Variants in ATG4C observed in about 807,000 individuals in gnomAD.
The protein encoded by ATG4C is autophagy related 4C cysteine peptidase, also known as cysteine protease ATG4C.
In ATG4C, 56 loss-of-function variants were observed where a neutral mutation model predicts 57.6. That is an observed-to-expected ratio of 0.97 (90% CI 0.78 to 1.21). ATG4C has a LOEUF of 1.21. ATG4C is among the 50% of genes most tolerant of loss of function. The probability of loss-of-function intolerance (pLI) is 0.00; values close to 1 mark genes in which losing one functional copy is unlikely to be tolerated. For missense variants in ATG4C, 595 were observed against 529.8 expected (o/e 1.12, Z -1.21); for synonymous variants, 157 against 174.1 (o/e 0.90, Z 0.78).
chr1:62,816,265 C>T (rs1665267477), intron 3 of ATG4C, among the ~76,000 whole-genome samples: 1 of 151,670 alleles, frequency 6.6e-6, no homozygotes, highest in Non-Finnish European at 1.5e-5. Flanking sequence ...TGTCTGTGTC[C>T]CCTCTTCAAA....
At chr1:62,804,446 A>AT (rs553503812) in intron 2 of ATG4C, among the ~76,000 whole-genome samples, 228 of 145,434 alleles carry the variant, frequency 1.6e-3, no homozygotes, top group African/African-American at 4.1e-3. Context: ...GTCTTGCATA[A>AT]TTTTTTTTTT....
Position 62,864,204 on chromosome 1 carries a change from G to T in ATG4C, c.*45G>T. On this transcript the variant is annotated 3_prime_UTR_variant, in exon 11 of 11. Coordinates refer to ENST00000317868, the MANE Select transcript of ATG4C (RefSeq NM_032852.4). The stretch of plus-strand genomic sequence containing the variant: ...TGATAAGAAGAATTCCATTGAAAGG[G>T]GAAAAATGAAGAGAAACAAGTATAT... 1 of 1,482,196 alleles carries T rather than the reference G, an allele frequency of 6.7e-7. No individual in the cohort carries two copies. Among genetic ancestry groups the T allele is most frequent in the Non-Finnish European group, 9.1e-7 (1 of 1,103,350 alleles). The allele number at this position is 1,482,196 out of a possible 1,614,324, so 91.8% of individuals were successfully genotyped here. A position where few individuals can be genotyped will look rare whatever the true frequency, so the allele number is the denominator to read the frequency against.
At chr1:62,808,726 C>T (rs756412983) in intron 3 of ATG4C, among the ~76,000 whole-genome samples, 9 of 151,938 alleles carry the variant, frequency 5.9e-5, no homozygotes, top group Non-Finnish European at 1.0e-4. Context: ...TAGGGTCTGG[C>T]AATGAGAAAT....
intron 10 of ATG4C, among the ~76,000 whole-genome samples, chr1:62,853,537 C>T (rs1209557469): frequency 6.6e-6 from 1 of 152,196 alleles, no homozygotes; most frequent in Admixed American, 6.5e-5. Context: ...GCCCCGACCT[C>T]GTGGTCTCAA....
At chr1:62,835,442 CAT>C in intron 9 of ATG4C, 1 of 319,620 alleles carries the variant, frequency 3.1e-6, no homozygotes, top group Non-Finnish European at 6.3e-6. Context: ...ATAAATGAAA[CAT>C]GTAATTATTA....
At position 62,805,227 on chromosome 1, in the gene ATG4C, T is replaced by G. The variant is rs529086362; in HGVS notation, c.132T>G (p.Leu44=). ...YFSRNSPVLL[L]GKCYHFKYED... is the part of the protein sequence containing the mutation. Reference sequence around the variant, plus strand: ...GTAGAAATTCTCCTGTATTATTGCTTGGAAAATGTTACCATTTTAAATATG... The same window carrying G: ...GTAGAAATTCTCCTGTATTATTGCTGGGAAAATGTTACCATTTTAAATATG... Residue 44 remains leucine (L), a synonymous_variant, in exon 3 of 11, where the codon CTT becomes CTG. Transcript: ENST00000317868. 3.3e-6 allele frequency: 5 copies of G among 1,517,204 alleles called. No homozygotes were observed. The highest frequency in any genetic ancestry group is 4.4e-6 in the Non-Finnish European group (5 of 1,141,948). The allele number at this position is 1,517,204 out of a possible 1,614,324, so 94.0% of individuals were successfully genotyped here. A position where few individuals can be genotyped will look rare whatever the true frequency, so the allele number is the denominator to read the frequency against.
rs551183270 is a variant in ATG4C at position 62,811,402 on chromosome 1, A to G, written c.161-5173A>G. Among the ~76,000 whole-genome samples the G allele has an allele frequency of 2.2e-3, 333 of 152,292 alleles. 6 individuals carry two copies. Among genetic ancestry groups the G allele is most frequent in the South Asian group, 0.019 (94 of 4,834 alleles). On this transcript the variant is annotated intron_variant, in intron 3 of 10. Coordinates refer to ENST00000317868, the MANE Select transcript of ATG4C (RefSeq NM_032852.4). ...TATTATGCAGTTTTTCCTTCTCATT[A>G]TATCGTGCTGTGCACTGTTATGTCG...
chr1:62,841,632 A>G (rs3737892), intron 10 of ATG4C, 85 bp downstream of exon 10: 491,780 of 1,128,558 alleles, frequency 0.44, 108,489 homozygotes, highest in East Asian at 0.64. Flanking sequence ...TGTAAATTAT[A>G]ATTTTTTATA....
chr1:62,817,114 T>G (rs1294382856), intron 4 of ATG4C, among the ~76,000 whole-genome samples: 1 of 152,158 alleles, frequency 6.6e-6, no homozygotes, highest in Non-Finnish European at 1.5e-5. Context: ...TTTATTGTTC[T>G]TACTGTTTCT....
At chr1:62,812,121 C>T (rs61314361) in intron 3 of ATG4C, among the ~76,000 whole-genome samples, 6 of 151,960 alleles carry the variant, frequency 3.9e-5, no homozygotes, top group Non-Finnish European at 8.8e-5. Context: ...GGTCTGAAGT[C>T]GATTTTGTCT....
At chr1:62,830,741 A>G (rs1665814596) in intron 7 of ATG4C, among the ~76,000 whole-genome samples, 1 of 152,088 alleles carries the variant, frequency 6.6e-6, no homozygotes, top group African/African-American at 2.4e-5. Context: ...AAAATCCAGT[A>G]TGTTCTTTTT....
At chr1:62,841,133 G>C (rs1666153386) in intron 9 of ATG4C, among the ~76,000 whole-genome samples, 1 of 152,080 alleles carries the variant, frequency 6.6e-6, no homozygotes, top group Non-Finnish European at 1.5e-5. Flanking sequence ...TCTTTTTCAT[G>C]TTTTCAAGTG....
At chr1:62,809,673 A>G (rs1665006783) in intron 3 of ATG4C, among the ~76,000 whole-genome samples, 1 of 149,368 alleles carries the variant, frequency 6.7e-6, no homozygotes, top group Admixed American at 6.7e-5. Flanking sequence ...GTGAAGATGT[A>G]TCAGGAAAGA....
chr1:62,834,247 T>C (rs1180816658), intron 8 of ATG4C, 131 bp downstream of exon 8: 3 of 668,716 alleles, frequency 4.5e-6, no homozygotes, highest in African/African-American at 3.7e-5. Flanking sequence ...AGTCCTACTA[T>C]AGCCACTCAT....
At chr1:62,790,623 A>G (rs971557996) in intron 1 of ATG4C, among the ~76,000 whole-genome samples, 9 of 152,230 alleles carry the variant, frequency 5.9e-5, no homozygotes, top group African/African-American at 2.2e-4. Flanking sequence ...TCTTTGTAAA[A>G]TCAGTTATCT....
intron 10 of ATG4C, 68 bp downstream of exon 10, chr1:62,841,615 A>G: frequency 8.0e-7 from 1 of 1,256,800 alleles, no homozygotes; most frequent in Non-Finnish European, 1.1e-6. Context: ...GTCAGAAAGC[A>G]AAAACCTGTA....
chr1:62,816,183 TC>T (rs1311015513), intron 3 of ATG4C, among the ~76,000 whole-genome samples: 3 of 152,218 alleles, frequency 2.0e-5, no homozygotes, highest in Non-Finnish European at 2.9e-5. Context: ...TGATTTTTTT[TC>T]TTCACTACTT....
chr1:62,791,735 A>G (rs1202877538), intron 1 of ATG4C, among the ~76,000 whole-genome samples: 1 of 152,208 alleles, frequency 6.6e-6, no homozygotes, highest in East Asian at 1.9e-4. Flanking sequence ...TTACCCAGTC[A>G]TCTCTTAAAG....
intron 10 of ATG4C, among the ~76,000 whole-genome samples, chr1:62,853,616 T>G (rs1286545115): frequency 1.3e-5 from 2 of 152,134 alleles, no homozygotes; most frequent in Non-Finnish European, 2.9e-5. Flanking sequence ...CAGCTAATTT[T>G]TACATTTTTT....
Sources: allele counts gnomAD v4.1 joint callset (sites outside exome capture counted in the v4.1 genomes callset), GRCh38; gene constraint gnomAD v4.1.1; transcripts MANE v1.5; gene names NCBI Gene and HGNC (gene_info 2026-07-23, HGNC 2026-07-21).